The following MALRD1 variants were observed in gnomAD, a reference collection of about 807,000 sequenced individuals.
MALRD1 encodes MAM and LDL-receptor class A domain-containing protein 1.
A neutral mutation model predicts 242.1 loss-of-function variants in MALRD1; 247 were observed. That is an observed-to-expected ratio of 1.02 (90% CI 0.92 to 1.13). The LOEUF is 1.13. Among genes scored for constraint, MALRD1 ranks in the 50% most tolerant of loss-of-function variants. MALRD1 has a pLI of 0.00. For synonymous variants in MALRD1, 995 were observed against 866.6 expected (o/e 1.15, Z -2.60); for missense variants, 2,989 against 2,533.1 (o/e 1.18, Z -3.86).
At chr10:19,332,063 A>G (rs1261957399) in intron 24 of MALRD1, among the ~76,000 whole-genome samples, 1 of 151,808 alleles carries the variant, frequency 6.6e-6, no homozygotes, top group Non-Finnish European at 1.5e-5. Flanking sequence ...GTGGGGTTTC[A>G]CCATGTTGGC....
At chr10:19,230,560 C>A (rs1838005973) in intron 18 of MALRD1, among the ~76,000 whole-genome samples, 1 of 152,130 alleles carries the variant, frequency 6.6e-6, no homozygotes. Flanking sequence ...GAGGACAGCA[C>A]CAAGCCATTC....
chr10:19,308,096 C>G (rs77447976), intron 21 of MALRD1, among the ~76,000 whole-genome samples: 8,027 of 151,498 alleles, frequency 0.053, 400 homozygotes, highest in African/African-American at 0.13. Flanking sequence ...TGTAGTCACC[C>G]CAGTGTGCTG....
chr10:19,513,781 T>G (rs1833513063), intron 31 of MALRD1, among the ~76,000 whole-genome samples: 1 of 152,038 alleles, frequency 6.6e-6, no homozygotes, highest in Non-Finnish European at 1.5e-5. Flanking sequence ...AGGTACTCCT[T>G]TATAGCAATG....
chr10:19,727,408 A>G (rs1835081995), intron 38 of MALRD1, among the ~76,000 whole-genome samples: 2 of 152,174 alleles, frequency 1.3e-5, no homozygotes, highest in Admixed American at 1.3e-4. Flanking sequence ...AAGTATAAAT[A>G]TGCTCGCTAA....
intron 32 of MALRD1, among the ~76,000 whole-genome samples, chr10:19,555,110 T>C (rs1835658635): frequency 6.6e-6 from 1 of 151,516 alleles, no homozygotes. Flanking sequence ...TGATATCTCA[T>C]TGTGTTTTTG....
At chr10:19,417,972 C>A (rs2130905846) in intron 28 of MALRD1, among the ~76,000 whole-genome samples, 1 of 152,174 alleles carries the variant, frequency 6.6e-6, no homozygotes, top group East Asian at 1.9e-4. Context: ...GCAAACCACA[C>A]ATACACACGC....
chr10:19,333,616 G>A (rs1248802567), intron 24 of MALRD1, among the ~76,000 whole-genome samples: 3 of 152,060 alleles, frequency 2.0e-5, no homozygotes, highest in Non-Finnish European at 4.4e-5. Context: ...ATAGGAATGC[G>A]TGTATCTTTT....
At chr10:19,567,477 A>T (rs1836307255) in intron 32 of MALRD1, 25 bp from the exon 33 acceptor site, 2 of 1,539,974 alleles carry the variant, frequency 1.3e-6, no homozygotes, top group Non-Finnish European at 1.8e-6. Flanking sequence ...AATCATAAAA[A>T]GTTATTTTTT....
At chr10:19,615,721 A>G (rs1056401207) in intron 35 of MALRD1, 136 bp from the exon 36 acceptor site, 7 of 672,494 alleles carry the variant, frequency 1.0e-5, no homozygotes, top group East Asian at 8.5e-5. Flanking sequence ...GCCTATGGGA[A>G]TTCTTTTGCT....
intron 13 of MALRD1, among the ~76,000 whole-genome samples, chr10:19,166,619 T>C (rs1308820625): frequency 6.6e-6 from 1 of 152,158 alleles, no homozygotes; most frequent in Non-Finnish European, 1.5e-5. Flanking sequence ...TGTGAGGAGA[T>C]GGTATCCCAA....
chr10:19,516,138 G>T (rs1833618311), intron 31 of MALRD1, among the ~76,000 whole-genome samples: 1 of 152,126 alleles, frequency 6.6e-6, no homozygotes, highest in Non-Finnish European at 1.5e-5. Flanking sequence ...CTAATGTTGA[G>T]AAATCTGGAG....
chr10:19,150,527 A>G (rs918668458), intron 11 of MALRD1, among the ~76,000 whole-genome samples: 3 of 152,056 alleles, frequency 2.0e-5, no homozygotes, highest in African/African-American at 7.2e-5. Flanking sequence ...ATCTGTTTCA[A>G]CTTGAGGAGA....
intron 18 of MALRD1, among the ~76,000 whole-genome samples, chr10:19,222,072 C>T (rs1837578070): frequency 6.6e-6 from 1 of 152,020 alleles, no homozygotes; most frequent in Non-Finnish European, 1.5e-5. Context: ...GGTGTAACTT[C>T]CTTCCTTTAT....
At chr10:19,057,657 A>T (rs964453870) in intron 1 of MALRD1, among the ~76,000 whole-genome samples, 1 of 152,142 alleles carries the variant, frequency 6.6e-6, no homozygotes, top group African/African-American at 2.4e-5. Flanking sequence ...TCATGACAAG[A>T]CTATGCTTCT....
chr10:19,137,707 G>A (rs1455724703), intron 10 of MALRD1, among the ~76,000 whole-genome samples: 1 of 151,580 alleles, frequency 6.6e-6, no homozygotes, highest in African/African-American at 2.4e-5. Flanking sequence ...CTTTTCTGAA[G>A]AGTCTTTGAT....
chr10:19,125,322 C>G (rs4333920), intron 7 of MALRD1, among the ~76,000 whole-genome samples: 2 of 63,754 alleles, frequency 3.1e-5, no homozygotes, highest in Non-Finnish European at 6.7e-5. Context: ...TCCTTCCTTC[C>G]TTCTTTCTTT....
intron 16 of MALRD1, 97 bp downstream of exon 16, chr10:19,204,510 T>G (rs1037813013): frequency 1.4e-5 from 11 of 775,554 alleles, no homozygotes; most frequent in Admixed American, 6.7e-5. Flanking sequence ...TTCTGTGGTT[T>G]ACTGCTGGTT....
intron 2 of MALRD1, among the ~76,000 whole-genome samples, chr10:19,079,565 T>C (rs1405236372): frequency 6.6e-6 from 1 of 152,006 alleles, no homozygotes; most frequent in Non-Finnish European, 1.5e-5. Context: ...TCTATTTATT[T>C]TTGAAGGTAG....
rs1227713124 is a variant in MALRD1, at chr10:19,064,760, ACT to A, written c.200-1956_200-1955del. ...ACTTCAGCCTGGGCGACAGAAAGAA[ACT>A]CTGTCTCAAAAAAAAAAAAAAAAAA... On this transcript the variant is annotated intron_variant, in intron 1 of 39. Transcript: ENST00000454679. Among the ~76,000 whole-genome samples, 371 of 139,114 alleles carry A rather than the reference ACT, an allele frequency of 2.7e-3. 4 individuals carry two copies. Among genetic ancestry groups the A allele is most frequent in the African/African-American group, 9.6e-3 (349 of 36,346 alleles). The allele number at this position is 139,114 out of a possible 152,430, so 91.3% of individuals were successfully genotyped here. A position where few individuals can be genotyped will look rare whatever the true frequency, so the allele number is the denominator to read the frequency against.
Sources: allele counts gnomAD v4.1 joint callset (sites outside exome capture counted in the v4.1 genomes callset), GRCh38; gene constraint gnomAD v4.1.1; transcripts MANE v1.5; gene names NCBI Gene and HGNC (gene_info 2026-07-23, HGNC 2026-07-21).